RRN3: variants seen among roughly 807,000 people sequenced by gnomAD.
RRN3 encodes the protein RNA polymerase I transcription factor RRN3.
RRN3 carries 38 observed loss-of-function variants against 82.3 expected under a neutral mutation model. That is an observed-to-expected ratio of 0.46 (90% CI 0.36 to 0.61). RRN3 has a LOEUF of 0.61. Among genes scored for constraint, RRN3 ranks in the 20% least tolerant of loss-of-function variants. The probability of loss-of-function intolerance (pLI) is 0.00; values close to 1 mark genes in which losing one functional copy is unlikely to be tolerated. For missense variants in RRN3, 726 were observed against 793.1 expected (o/e 0.92, Z 1.02); for synonymous variants, 284 against 284.3 (o/e 1.00, Z 0.01).
Position 15,084,744 on chromosome 16 carries a change from A to C in RRN3, c.533-39T>G, listed in dbSNP as rs568451161. On this transcript the variant is annotated intron_variant, in intron 6 of 17. Coordinates refer to ENST00000198767, the MANE Select transcript of RRN3 (RefSeq NM_018427.5). ...AGTTCAGAGTATGAGCATCAAAACA[A>C]AACTGAAGGGCGACACGCTTGAAGC... The C allele has an allele frequency of 4.2e-6, 6 of 1,428,388 alleles. No homozygotes were observed. The East Asian group carries it at 1.4e-4, about 33-fold the overall frequency. The allele number at this position is 1,428,388 out of a possible 1,614,324, so 88.5% of individuals were successfully genotyped here. A position where few individuals can be genotyped will look rare whatever the true frequency, so the allele number is the denominator to read the frequency against.
rs940817681 is a variant in RRN3 at position 15,060,149 on chromosome 16, A to G, written c.*1595T>C. 1 of 413,818 alleles carries G rather than the reference A, an allele frequency of 2.4e-6. No individual in the cohort carries two copies. Among genetic ancestry groups the G allele is most frequent in the Admixed American group, 2.8e-5 (1 of 35,186 alleles). The allele number at this position is 413,818 out of a possible 1,614,324, so 25.6% of individuals were successfully genotyped here. On this transcript the variant is annotated 3_prime_UTR_variant, in exon 18 of 18. Transcript: ENST00000198767. ...CTCCTTTGAAATTAAACAGACTTAT[A>G]TGTAAATGTCTTTCTACATTAAAAC...
At chr16:15,073,529 G>A (rs2045328734) in intron 11 of RRN3, among the ~76,000 whole-genome samples, 1 of 152,122 alleles carries the variant, frequency 6.6e-6, no homozygotes, top group Non-Finnish European at 1.5e-5. Flanking sequence ...AGTTTACACA[G>A]ATTTTCCTCT....
At chr16:15,070,764 G>A (rs1474731297) in intron 13 of RRN3, among the ~76,000 whole-genome samples, 1 of 151,650 alleles carries the variant, frequency 6.6e-6, no homozygotes, top group African/African-American at 2.4e-5. Flanking sequence ...ACCTTTAAAA[G>A]GGTTTTTCTT....
intron 16 of RRN3, among the ~76,000 whole-genome samples, chr16:15,064,630 CA>C (rs2044877112): frequency 6.6e-6 from 1 of 152,190 alleles, no homozygotes; most frequent in Non-Finnish European, 1.5e-5. Context: ...GTTTAAATAA[CA>C]GTTTAAAGAA....
At chr16:15,079,264 C>T (rs1217708134) in intron 9 of RRN3, among the ~76,000 whole-genome samples, 1 of 152,204 alleles carries the variant, frequency 6.6e-6, no homozygotes, top group Non-Finnish European at 1.5e-5. Flanking sequence ...TCACTAGAAT[C>T]TACTACTTCC....
In RRN3 at chr16:15,061,543, T is replaced by G. The variant is rs562398575; in HGVS notation, c.*201A>C. On this transcript the variant is annotated 3_prime_UTR_variant, in exon 18 of 18. Coordinates refer to ENST00000198767, the MANE Select transcript of RRN3 (RefSeq NM_018427.5). ...AAAGATTGCACATGATAGTCTTCAT[T>G]TTGTCTGTAAGGGGAACAACAACAA... The G allele has an allele frequency of 6.6e-6, 3 of 457,220 alleles. No individual in the cohort carries two copies. The highest frequency in any genetic ancestry group is 1.1e-4 in the South Asian group (2 of 18,160). The allele number at this position is 457,220 out of a possible 1,614,324, so 28.3% of individuals were successfully genotyped here. A position where few individuals can be genotyped will look rare whatever the true frequency, so the allele number is the denominator to read the frequency against.
chr16:15,080,767 C>A (rs531483439), intron 8 of RRN3, among the ~76,000 whole-genome samples: 1 of 152,102 alleles, frequency 6.6e-6, no homozygotes, highest in East Asian at 1.9e-4. Context: ...AATCCTACAT[C>A]CATTAGTGCA....
At chr16:15,066,041 A>G (rs2151763636) in intron 15 of RRN3, among the ~76,000 whole-genome samples, 1 of 152,354 alleles carries the variant, frequency 6.6e-6, no homozygotes, top group Admixed American at 6.5e-5. Flanking sequence ...TCTATTGGAC[A>G]GCTTCTCCAA....
intron 9 of RRN3, among the ~76,000 whole-genome samples, chr16:15,078,499 A>G (rs1381070986): frequency 6.6e-6 from 1 of 152,080 alleles, no homozygotes; most frequent in Non-Finnish European, 1.5e-5. Flanking sequence ...AACAAAGACT[A>G]CCTTCTAACC....
intron 15 of RRN3, among the ~76,000 whole-genome samples, chr16:15,065,753 G>T (rs763133958): frequency 2.3e-4 from 35 of 152,110 alleles, no homozygotes; most frequent in Non-Finnish European, 4.4e-4. Context: ...GTTTGCAAAA[G>T]AATTAGAAGG....
intron 16 of RRN3, among the ~76,000 whole-genome samples, chr16:15,063,690 G>GC (rs1336430522): frequency 8.8e-6 from 1 of 113,036 alleles, no homozygotes; most frequent in Non-Finnish European, 1.7e-5. Context: ...GGGAGACAGA[G>GC]CAAGACTCTG....
chr16:15,071,014 C>T, intron 13 of RRN3, 107 bp downstream of exon 13: 2 of 993,856 alleles, frequency 2.0e-6, no homozygotes, highest in Non-Finnish European at 3.0e-6. Flanking sequence ...ATTTTATTCA[C>T]TTTAAAAACA....
Position 15,085,589 on chromosome 16 carries a change from A to G in RRN3, c.532+50T>C, listed in dbSNP as rs368763289. 2.2e-4 allele frequency: 355 copies of G among 1,596,136 alleles called. 1 individual carries two copies. Among genetic ancestry groups the G allele is most frequent in the Non-Finnish European group, 2.6e-4 (306 of 1,169,324 alleles). ...CGTCTTGGCTTCCCAAAGTGCTGGG[A>G]TTATGGGTGAAAGCTACTGTGCCCA... On this transcript the variant is annotated intron_variant, in intron 6 of 17. Transcript: ENST00000198767.
intron 16 of RRN3, among the ~76,000 whole-genome samples, chr16:15,064,466 C>T (rs1383657650): frequency 1.3e-5 from 2 of 152,150 alleles, no homozygotes; most frequent in East Asian, 1.9e-4. Flanking sequence ...TGAGCCATTA[C>T]GCCCAGCCAA....
In RRN3 at chr16:15,060,183, A is replaced by G. The variant is rs2044662302; in HGVS notation, c.*1561T>C. 1 of 421,324 alleles carries G rather than the reference A, an allele frequency of 2.4e-6. No individual in the cohort carries two copies. The allele number at this position is 421,324 out of a possible 1,614,324, so 26.1% of individuals were successfully genotyped here. A position where few individuals can be genotyped will look rare whatever the true frequency, so the allele number is the denominator to read the frequency against. On this transcript the variant is annotated 3_prime_UTR_variant, in exon 18 of 18. Coordinates refer to ENST00000198767, the MANE Select transcript of RRN3 (RefSeq NM_018427.5). Reference sequence around the variant, plus strand: ...TCTTTCTACATTAAAACTACTTCCCAACCCACAAAGACCCCACTTACTACT... The same window carrying G: ...TCTTTCTACATTAAAACTACTTCCCGACCCACAAAGACCCCACTTACTACT...
chr16:15,066,264 G>A (rs190186272), intron 15 of RRN3, among the ~76,000 whole-genome samples: 102 of 152,270 alleles, frequency 6.7e-4, no homozygotes, highest in Admixed American at 2.3e-3. Context: ...CTACAACCCC[G>A]CAGCTGACCG....
chr16:15,071,230 C>T lies in RRN3; in HGVS notation c.1150G>A (p.Glu384Lys). ...FKLGFAEAFL[E>K]HLWKKLQDPS... ...TCCTGCAATTTTTTCCAGAGATGTT[C>T]CAAAAATGCCTCTGCGAATCCCTAT... The change falls in exon 13 of 18, where the codon GAA becomes AAA. Residue 384 changes from glutamate (E) to lysine (K), a missense_variant. Glu to Lys is a moderately conservative substitution (Grantham distance 56). Around this residue, in one of 4 missense-constraint regions of RRN3, gnomAD observed 344 missense variants for 394.5 expected, o/e 0.87. Coordinates refer to ENST00000198767, the MANE Select transcript of RRN3 (RefSeq NM_018427.5). 2 of 1,610,076 alleles carry T rather than the reference C, an allele frequency of 1.2e-6. No individual in the cohort carries two copies. The highest frequency in any genetic ancestry group is 1.1e-5 in the South Asian group (1 of 90,426).
intron 8 of RRN3, 83 bp from the exon 9 acceptor site, chr16:15,080,179 C>A (rs1340009127): frequency 1.4e-6 from 2 of 1,467,594 alleles, no homozygotes; most frequent in African/African-American, 2.9e-5. Flanking sequence ...AATTACATGA[C>A]CTTTAGTTTC....
rs973377402 is a variant in RRN3 at position 15,060,820 on chromosome 16, A to T, written c.*924T>A. On this transcript the variant is annotated 3_prime_UTR_variant, in exon 18 of 18. Transcript: ENST00000198767. ...ACCGTACACCAAATAATCTAAAAAA[A>T]TTTTCCTGTTTCCAACAAAGAAATT... 2.0e-5 allele frequency: 3 copies of T among 152,254 alleles called. No homozygotes were observed. The highest frequency in any genetic ancestry group is 7.2e-5 in the African/African-American group (3 of 41,456). 9.4% of individuals were successfully genotyped at this position (152,254 alleles called of 1,614,324 possible).
Sources: allele counts gnomAD v4.1 joint callset (sites outside exome capture counted in the v4.1 genomes callset), GRCh38; gene constraint gnomAD v4.1.1; regional missense constraint gnomAD v4.1.1; transcripts MANE v1.5; gene names NCBI Gene and HGNC (gene_info 2026-07-23, HGNC 2026-07-21).